The following NSRP1 variants were observed in gnomAD, a reference collection of about 807,000 sequenced individuals.
The protein encoded by NSRP1 is nuclear speckle splicing regulatory protein 1.
A neutral mutation model predicts 54.7 loss-of-function variants in NSRP1; 24 were observed. The ratio of observed to expected loss-of-function variants is 0.44; its 90% CI spans 0.32 to 0.62. The LOEUF is 0.62. Ranked by LOEUF, NSRP1 falls within the 20% of genes least tolerant of loss-of-function variation. The pLI is 0.06. For missense variants in NSRP1, 596 were observed against 651.2 expected (o/e 0.92, Z 0.92); for synonymous variants, 210 against 213.8 (o/e 0.98, Z 0.15).
intron 2 of NSRP1, among the ~76,000 whole-genome samples, chr17:30,120,500 G>A (rs1483549945): frequency 6.6e-6 from 1 of 152,092 alleles, no homozygotes; most frequent in Non-Finnish European, 1.5e-5. Context: ...CATCTATATA[G>A]CCTATATACT....
chr17:30,180,756 A>G (rs1905264983), intron 5 of NSRP1, 152 bp from the exon 6 acceptor site: 3 of 530,000 alleles, frequency 5.7e-6, no homozygotes, highest in African/African-American at 2.0e-5. Flanking sequence ...TTATTTATGA[A>G]AACAGGCAAC....
At chr17:30,134,849 A>C (rs2071734391) in intron 2 of NSRP1, among the ~76,000 whole-genome samples, 1 of 152,184 alleles carries the variant, frequency 6.6e-6, no homozygotes, top group African/African-American at 2.4e-5. Flanking sequence ...CTTGTTTATT[A>C]TTTGGAAAGG....
intron 2 of NSRP1, among the ~76,000 whole-genome samples, chr17:30,141,373 C>T (rs1290585446): frequency 6.6e-6 from 1 of 152,102 alleles, no homozygotes; most frequent in Non-Finnish European, 1.5e-5. Context: ...TGTTTTGATT[C>T]TGTTTTTAAT....
At chr17:30,144,930 A>T (rs1047416184) in intron 2 of NSRP1, 3 of 152,066 alleles carry the variant, frequency 2.0e-5, no homozygotes, top group Non-Finnish European at 4.4e-5. Context: ...ATATGTGCTG[A>T]TGTGTTTGAC....
intron 2 of NSRP1, among the ~76,000 whole-genome samples, chr17:30,123,521 T>A (rs1218586031): frequency 6.6e-6 from 1 of 152,232 alleles, no homozygotes; most frequent in Non-Finnish European, 1.5e-5. Flanking sequence ...TTCTGTGGGT[T>A]GTCTGTTCAC....
At chr17:30,130,257 G>A (rs2071687801) in intron 2 of NSRP1, among the ~76,000 whole-genome samples, 1 of 151,758 alleles carries the variant, frequency 6.6e-6, no homozygotes. Flanking sequence ...TACCATGCCT[G>A]CCTAATTTTT....
At chr17:30,121,073 A>G (rs900578677) in intron 2 of NSRP1, among the ~76,000 whole-genome samples, 3 of 152,208 alleles carry the variant, frequency 2.0e-5, no homozygotes, top group African/African-American at 4.8e-5. Context: ...TTGTGGAATA[A>G]TGTGGCTGGA....
chr17:30,163,189 T>TTGTGTGTGTGTGTGTGTGTG (rs35702441), intron 2 of NSRP1: 3 of 121,558 alleles, frequency 2.5e-5, no homozygotes, highest in African/African-American at 6.9e-5. Context: ...CCGGCTAATT[T>TTGTGTGTGTGTGTGTGTGTG]TGTGTGTGTG....
chr17:30,174,038 C>T (rs1366339101), intron 3 of NSRP1, among the ~76,000 whole-genome samples: 1 of 152,258 alleles, frequency 6.6e-6, no homozygotes, highest in African/African-American at 2.4e-5. Flanking sequence ...TTTGGAGATA[C>T]CATTAAGTTC....
intron 2 of NSRP1, among the ~76,000 whole-genome samples, chr17:30,140,048 T>C (rs2071789276): frequency 6.6e-6 from 1 of 152,156 alleles, no homozygotes. Context: ...TATTTGCTTT[T>C]TACTCTCATA....
chr17:30,134,530 A>G (rs1443886381), intron 2 of NSRP1, among the ~76,000 whole-genome samples: 2 of 152,196 alleles, frequency 1.3e-5, no homozygotes, highest in Admixed American at 1.3e-4. Flanking sequence ...GGATAGAGAT[A>G]ATCTGTGCAG....
chr17:30,123,958 G>A (rs1312835912), intron 2 of NSRP1, among the ~76,000 whole-genome samples: 1 of 152,100 alleles, frequency 6.6e-6, no homozygotes, highest in Non-Finnish European at 1.5e-5. Flanking sequence ...TCACATTAAA[G>A]CACCCTGGTA....
Position 30,143,896 on chromosome 17 carries a change from T to G in NSRP1, c.114+25723T>G, listed in dbSNP as rs2071828237. ...GGATAACCCATTCTCCATGATGTGC[T>G]TATTTCACATGGCATGCCTGTATCA... On this transcript the variant is annotated intron_variant, in intron 2 of 6. Transcript: ENST00000247026. 3.9e-5 allele frequency among the ~76,000 whole-genome samples: 6 copies of G among 152,306 alleles called. No homozygotes were observed. In the South Asian group the frequency reaches 1.2e-3, roughly 32 times the overall value.
intron 2 of NSRP1, among the ~76,000 whole-genome samples, chr17:30,161,273 G>C (rs1006076602): frequency 6.6e-6 from 1 of 151,958 alleles, no homozygotes; most frequent in Non-Finnish European, 1.5e-5. Context: ...GGTCGCTTAG[G>C]GTATCTGTTT....
rs1379783695 is a variant in NSRP1 at position 30,186,362 on chromosome 17, T to C, written c.*688T>C. On this transcript the variant is annotated 3_prime_UTR_variant, in exon 7 of 7. Transcript: ENST00000247026. ...AAATATGGATTTGAAAAACAGAAAA[T>C]ATACTTTATGTTCTGAAATTTGTAT... The C allele has an allele frequency of 6.6e-6, 1 of 152,184 alleles. No individual in the cohort carries two copies. Among genetic ancestry groups the C allele is most frequent in the African/African-American group, 2.4e-5 (1 of 41,442 alleles). The allele number at this position is 152,184 out of a possible 1,614,324, so 9.4% of individuals were successfully genotyped here. A position where few individuals can be genotyped will look rare whatever the true frequency, so the allele number is the denominator to read the frequency against.
At chr17:30,176,610 C>CG (rs1332859339) in intron 3 of NSRP1, among the ~76,000 whole-genome samples, 3 of 120,048 alleles carry the variant, frequency 2.5e-5, no homozygotes, top group Non-Finnish European at 5.6e-5. Flanking sequence ...ACTTCGTCCC[C>CG]CCCCCCCCAA....
intron 2 of NSRP1, among the ~76,000 whole-genome samples, chr17:30,171,236 C>T (rs888692014): frequency 1.3e-5 from 2 of 151,656 alleles, no homozygotes; most frequent in Admixed American, 1.3e-4. Flanking sequence ...CCTTCTCTGC[C>T]CTGGGCTCCC....
In NSRP1 at chr17:30,185,216, A is replaced by C; in HGVS notation, c.1219A>C (p.Lys407Gln). The change falls in exon 7 of 7, where the codon AAA becomes CAA. Residue 407 changes from lysine (K) to glutamine (Q), a missense_variant. Transcript: ENST00000247026. ...QQNDQNRPSE[K>Q]GEKEEKSKAK... ...AAATGATCAGAACCGACCCAGTGAGAAAGGAGAGAAGGAAGAGAAAAGCAA... is the reference window on the plus strand; with the variant it reads ...AAATGATCAGAACCGACCCAGTGAGCAAGGAGAGAAGGAAGAGAAAAGCAA... The C allele has an allele frequency of 6.3e-7, 1 of 1,575,530 alleles. No individual in the cohort carries two copies. The highest frequency in any genetic ancestry group is 1.2e-5 in the South Asian group (1 of 86,846).
intron 2 of NSRP1, among the ~76,000 whole-genome samples, chr17:30,119,879 C>T (rs2071581637): frequency 1.3e-5 from 2 of 152,184 alleles, no homozygotes; most frequent in South Asian, 2.1e-4. Context: ...CTTTTGAAGA[C>T]ATTGGCTCTT....
Sources: allele counts gnomAD v4.1 joint callset (sites outside exome capture counted in the v4.1 genomes callset), GRCh38; gene constraint gnomAD v4.1.1; transcripts MANE v1.5; gene names NCBI Gene and HGNC (gene_info 2026-07-23, HGNC 2026-07-21).